Variants in HLA-F observed in about 807,000 individuals in gnomAD.
The protein encoded by HLA-F is HLA class I histocompatibility antigen, alpha chain F.
A neutral mutation model predicts 49.5 loss-of-function variants in HLA-F; 46 were observed. The observed-to-expected ratio is 0.93, with a 90% CI of 0.73 to 1.19. The LOEUF is 1.19. HLA-F is among the 50% of genes most tolerant of loss of function. The pLI, the probability that HLA-F is intolerant of heterozygous loss-of-function variation, is 0.00. For missense variants in HLA-F, 496 were observed against 579.6 expected, an observed-to-expected ratio of 0.86 and a Z score of 1.48; for synonymous variants, 203 against 233.5, an observed-to-expected ratio of 0.87 and a Z score of 1.19.
chr6:29,724,188 A>G lies in HLA-F; in HGVS notation c.350A>G (p.Gln117Arg), dbSNP rs28628033. The change falls in exon 3 of 7, where the codon CAG (glutamine) becomes CGG (arginine). Residue 117 changes from glutamine (Q) to arginine (R), a missense_variant. Physicochemically the swap from Gln to Arg is conservative, Grantham distance 43 (BLOSUM62 1). Transcript: ENST00000259951. ...NQSEAGSHTL[Q>R]GMNGCDMGPD... ...GACCGGCTAGGGTCTCACACCCTCC[A>G]GGGAATGAATGGCTGCGACATGGGG... 2 of 1,613,000 alleles carry G rather than the reference A, an allele frequency of 1.2e-6. No individual in the cohort carries two copies. The highest frequency in any genetic ancestry group is 2.7e-5 in the African/African-American group (2 of 74,940).
intron 1 of HLA-F, 26 bp from the exon 2 acceptor site, chr6:29,723,632 G>A (rs774066513): frequency 6.2e-7 from 1 of 1,604,846 alleles, no homozygotes; most frequent in Non-Finnish European, 8.5e-7. Context: ...AGGGTCTGGC[G>A]GGTCTCAGCC....
downstream of HLA-F, chr6:29,728,121 C>T (rs1394399476): frequency 9.7e-6 from 5 of 517,134 alleles, no homozygotes; most frequent in Non-Finnish European, 1.5e-5. Context: ...GGATGCTGAA[C>T]ATCCTGCAGT....
Position 29,725,337 on chromosome 6 carries a change from G to A in HLA-F, c.886+31G>A, listed in dbSNP as rs199501553. On this transcript the variant is annotated intron_variant, in intron 4 of 6. Coordinates refer to ENST00000259951, the MANE Select transcript of HLA-F (RefSeq NM_001098479.2). Reference sequence around the variant, plus strand: ...GAGGGAGATGGGTAAAGAGGGGAACGAGGGGTCATGTCTTTTCTCAGGGAA... The same window carrying A: ...GAGGGAGATGGGTAAAGAGGGGAACAAGGGGTCATGTCTTTTCTCAGGGAA... The A allele has an allele frequency of 1.4e-4, 221 of 1,613,296 alleles. 1 individual carries two copies. Among genetic ancestry groups the A allele is most frequent in the Admixed American group, 1.8e-4 (11 of 59,960 alleles).
At position 29,727,025 on chromosome 6, in the gene HLA-F, GT is replaced by G; in HGVS notation, c.1187del (p.Leu396CysfsTer38). The G allele has an allele frequency of 1.2e-6, 2 of 1,612,530 alleles. No homozygotes were observed. The highest frequency in any genetic ancestry group is 8.5e-7 in the Non-Finnish European group (1 of 1,179,440). On this transcript the variant is annotated frameshift_variant, in exon 7 of 7. Transcript: ENST00000259951. LOFTEE classifies it high-confidence loss of function. ...GGAAGGTGGGTGACATGTGGATCTT[GT>G]TTTTTTTGTGGCTGTGGACATCTTT... ...RRKVGDMWIL[F>X]FLWLWTSFNT...
At chr6:29,734,332 A>G (rs1357821008) in intron 3 of HLA-F, among the ~76,000 whole-genome samples, 1 of 152,212 alleles carries the variant, frequency 6.6e-6, no homozygotes, top group Non-Finnish European at 1.5e-5. Flanking sequence ...AGGAAAGCAA[A>G]TGACTTTCCT....
At chr6:29,726,268 G>GC (rs9280678) in intron 6 of HLA-F, 2 of 981,076 alleles carry the variant, frequency 2.0e-6, no homozygotes, top group African/African-American at 4.4e-5. Flanking sequence ...GTGGGGTGTT[G>GC]GGGGGGAACA....
chr6:29,726,268 G>GA (rs9280678), intron 6 of HLA-F: 2 of 981,076 alleles, frequency 2.0e-6, no homozygotes, highest in South Asian at 1.3e-5. Context: ...GTGGGGTGTT[G>GA]GGGGGGAACA....
Position 29,725,260 on chromosome 6 carries a change from C to A in HLA-F, c.840C>A (p.Cys280Ter), listed in dbSNP as rs866847173. 6.2e-7 allele frequency: 1 copy of A among 1,614,176 alleles called. No individual in the cohort carries two copies. The highest frequency in any genetic ancestry group is 1.6e-4 in the Middle Eastern group (1 of 6,062). Residue 280 changes from cysteine (C) to a stop codon, truncating the protein, a stop_gained, in exon 4 of 7, where the codon TGC becomes TGA. Transcript: ENST00000259951. LOFTEE classifies it high-confidence loss of function. ...VPPGEEQRYT[C>*]HVQHEGLPQP... ...CTGGAGAGGAACAGAGATACACATG[C>A]CATGTGCAGCACGAGGGGCTGCCCC...
Position 29,726,011 on chromosome 6 carries a change from A to C in HLA-F, c.1004A>C (p.Asp335Ala), listed in dbSNP as rs1308827318. ...CTCACAGGACATTTTCTTCCCATAG[A>C]TAGAAACAGAGGGAGCTACTCTCAG... ...AAVMWRKKSSDRNRGSYSQAA... is the reference protein window; with the variant it reads ...AAVMWRKKSSARNRGSYSQAA... Residue 335 changes from aspartate to alanine, a missense_variant and splice_region_variant, in exon 6 of 7, where the codon GAT becomes GCT. Coordinates refer to ENST00000259951, the MANE Select transcript of HLA-F (RefSeq NM_001098479.2). 1 of 1,614,070 alleles carries C rather than the reference A, an allele frequency of 6.2e-7. No individual in the cohort carries two copies. The highest frequency in any genetic ancestry group is 8.5e-7 in the Non-Finnish European group (1 of 1,179,922).
chr6:29,734,844 G>C (rs1042206650), intron 3 of HLA-F, among the ~76,000 whole-genome samples: 2 of 152,100 alleles, frequency 1.3e-5, no homozygotes, highest in African/African-American at 4.8e-5. Context: ...ACCAGACCCT[G>C]TCACCACAAG....
At position 29,726,903 on chromosome 6, in the gene HLA-F, A is replaced by C. The variant is rs3734814; in HGVS notation, c.1057A>C (p.Asn353His). The C allele has an allele frequency of 0.14, 231,111 of 1,604,206 alleles. 19,553 individuals are homozygous for C. The highest frequency in any genetic ancestry group is 0.29 in the South Asian group (26,847 of 91,032). The change falls in exon 7 of 7, where the codon AAC becomes CAC. Residue 353 changes from asparagine to histidine, a missense_variant. Asn to His is a moderately conservative substitution (Grantham distance 68). Coordinates refer to ENST00000259951, the MANE Select transcript of HLA-F (RefSeq NM_001098479.2). ...QAAAYSVVSG[N>H]LMITWWSSLF... Reference sequence around the variant, plus strand: ...CACAGCCTACTCAGTGGTCAGCGGAAACTTGATGATAACATGGTGGTCAAG... The same window carrying C: ...CACAGCCTACTCAGTGGTCAGCGGACACTTGATGATAACATGGTGGTCAAG...
downstream of HLA-F, among the ~76,000 whole-genome samples, chr6:29,730,499 T>C (rs1776477996): frequency 6.6e-6 from 1 of 152,286 alleles, no homozygotes; most frequent in East Asian, 1.9e-4. Context: ...AAATGTGCTT[T>C]AGGCCACCGA....
At chr6:29,728,143 C>T (rs1258159968), downstream of HLA-F, 4 of 508,204 alleles carry the variant, frequency 7.9e-6, no homozygotes, top group South Asian at 1.4e-5. Flanking sequence ...CACAAGTCAG[C>T]CCAATCACCC....
At chr6:29,737,665 G>GT (rs1301778987) in intron 3 of HLA-F, 1 of 152,142 alleles carries the variant, frequency 6.6e-6, no homozygotes, top group Non-Finnish European at 1.5e-5. Context: ...TACCCGTGGG[G>GT]TTTTTTATGA....
chr6:29,723,679 T>G lies in HLA-F; in HGVS notation c.86T>G (p.Phe29Cys), dbSNP rs1379026092. Residue 29 changes from phenylalanine (F) to cysteine (C), a missense_variant, in exon 2 of 7, where the codon TTC becomes TGC. Physicochemically the swap from Phe to Cys is radical, Grantham distance 205 (BLOSUM62 -2). Transcript: ENST00000259951. ...CCAGGCTCCCACTCCTTGAGGTATT[T>G]CAGCACCGCTGTGTCGCGGCCCGGC... The part of the protein sequence containing the change: ...TWAGSHSLRY[F>C]STAVSRPGRG... 6.2e-7 allele frequency: 1 copy of G among 1,610,900 alleles called. No individual in the cohort carries two copies.
At chr6:29,730,808 C>T (rs966734614), downstream of HLA-F, among the ~76,000 whole-genome samples, 4 of 152,004 alleles carry the variant, frequency 2.6e-5, no homozygotes, top group Non-Finnish European at 5.9e-5. Context: ...AAACCTCAGT[C>T]TCTCACCGTT....
intron 6 of HLA-F, 52 bp downstream of exon 6, chr6:29,726,095 G>A (rs375027831): frequency 5.1e-6 from 8 of 1,559,412 alleles, no homozygotes; most frequent in Non-Finnish European, 7.1e-6. Flanking sequence ...GTGGTCAGGA[G>A]CCTATGAGGG....
chr6:29,729,802 AAAAC>A (rs1419678820), downstream of HLA-F, among the ~76,000 whole-genome samples: 7 of 152,352 alleles, frequency 4.6e-5, no homozygotes, highest in South Asian at 4.1e-4. Context: ...TAACAACAGA[AAAAC>A]AAACAATCTC....
chr6:29,733,351 G>T (rs1229357696), intron 3 of HLA-F, among the ~76,000 whole-genome samples: 2 of 131,666 alleles, frequency 1.5e-5, no homozygotes, highest in Non-Finnish European at 3.5e-5. Context: ...TATTTCTTCT[G>T]TGTATTTTAT....
Sources: gnomAD v4.1 joint callset for allele counts (sites outside exome capture counted in the v4.1 genomes callset) on GRCh38, gnomAD v4.1.1 for gene constraint, MANE v1.5 for transcripts, NCBI Gene and HGNC (gene_info 2026-07-23, HGNC 2026-07-21) for gene names.